Variants in ICAM4 observed in about 807,000 individuals in gnomAD.
The protein encoded by ICAM4 is intercellular adhesion molecule 4.
ICAM4 carries 16 observed loss-of-function variants against 18.8 expected under a neutral mutation model. The ratio of observed to expected loss-of-function variants is 0.85; its 90% CI spans 0.58 to 1.29. ICAM4 has a LOEUF of 1.29. ICAM4 is among the 50% of genes most tolerant of loss of function. The pLI is 0.00. For missense variants in ICAM4, 338 were observed against 364.3 expected, an observed-to-expected ratio of 0.93 and a Z score of 0.59; for synonymous variants, 163 against 163.2, an observed-to-expected ratio of 1.00 and a Z score of 0.01.
At position 10,287,465 on chromosome 19, in the gene ICAM4, G is replaced by T. The variant is rs2040125332; in HGVS notation, c.394+59G>T. The T allele has an allele frequency of 1.9e-6, 3 of 1,589,468 alleles. No homozygotes were observed. In the African/African-American group the frequency reaches 4.0e-5, roughly 21 times the overall value. On this transcript the variant is annotated intron_variant, in intron 1 of 2. Transcript: ENST00000380770. The surrounding 1 kb of genome is among the most constrained non-coding windows in gnomAD (Gnocchi z 8.7). ...AGGGGAGGGGGCTGGAAGAGGTGGG[G>T]GAAGGGTAGTTGACAGTCGCTCTAT...
rs370615268 is a variant in ICAM4 at position 10,288,065 on chromosome 19, G to C, written c.777G>C (p.Ala259=). Residue 259 remains alanine (A), a synonymous_variant, in exon 3 of 3, where the codon GCG becomes GCC. Coordinates refer to ENST00000380770, the MANE Select transcript of ICAM4 (RefSeq NM_001544.5). ...LVGILLTVGA[A]YLCKCLAMKS... ...GGATCCTCCTCACTGTGGGCGCTGC[G>C]TACCTATGCAAGTGCCTAGCTATGA... is the stretch of plus-strand genomic sequence containing the variant. 4 of 1,614,166 alleles carry C rather than the reference G, an allele frequency of 2.5e-6. No homozygotes were observed. The Admixed American group carries it at 6.7e-5, about 27-fold the overall frequency.
chr19:10,287,609 G>T lies in ICAM4; in HGVS notation c.468G>T (p.Thr156=). The T allele has an allele frequency of 1.2e-6, 2 of 1,614,146 alleles. No individual in the cohort carries two copies. The highest frequency in any genetic ancestry group is 1.7e-6 in the Non-Finnish European group (2 of 1,180,028). The change falls in exon 2 of 3, where the codon ACG becomes ACT. Residue 156 remains threonine (T), a synonymous_variant. Transcript: ENST00000380770. This position sits in a 1 kb window ranked among gnomAD's most constrained non-coding sequence, Gnocchi z 8.7. ...GRKYTLRCHV[T]QVFPVGYLVV... is the part of the protein sequence containing the mutation. ...AATACACTTTGCGCTGCCACGTGACGCAGGTGTTCCCGGTGGGCTACTTGG... is the reference window on the plus strand; with the variant it reads ...AATACACTTTGCGCTGCCACGTGACTCAGGTGTTCCCGGTGGGCTACTTGG...
At position 10,287,059 on chromosome 19, in the gene ICAM4, C is replaced by CAGTGCCCATTATGACTGCGGCTG; in HGVS notation, c.47_48insAGTGCCCATTATGACTGCGGCTG (p.Tyr17ValfsTer44). On this transcript the variant is annotated frameshift_variant, in exon 1 of 3. Coordinates refer to ENST00000380770, the MANE Select transcript of ICAM4 (RefSeq NM_001544.5). LOFTEE classifies it high-confidence loss of function. The surrounding 1 kb of genome is among the most constrained non-coding windows in gnomAD (Gnocchi z 8.7). Reference sequence around the variant, plus strand: ...TCGCTGCTGTTTTTTTTGGCGGCCGCCTACCCGGGAGTTGGGAGCGCGCTG... The same window carrying CAGTGCCCATTATGACTGCGGCTG: ...TCGCTGCTGTTTTTTTTGGCGGCCGCAGTGCCCATTATGACTGCGGCTGCTACCCGGGAGTTGGGAGCGCGCTG... The CAGTGCCCATTATGACTGCGGCTG allele has an allele frequency of 6.4e-7, 1 of 1,573,856 alleles. No individual in the cohort carries two copies. The highest frequency in any genetic ancestry group is 8.6e-7 in the Non-Finnish European group (1 of 1,158,478).
At position 10,287,219 on chromosome 19, in the gene ICAM4, C is replaced by T; in HGVS notation, c.207C>T (p.Cys69=). 1.2e-6 allele frequency: 2 copies of T among 1,613,084 alleles called. No individual in the cohort carries two copies. The highest frequency in any genetic ancestry group is 1.7e-6 in the Non-Finnish European group (2 of 1,179,842). Residue 69 remains cysteine (C), a synonymous_variant, in exon 1 of 3, where the codon TGC becomes TGT. Coordinates refer to ENST00000380770, the MANE Select transcript of ICAM4 (RefSeq NM_001544.5). The surrounding 1 kb of genome is among the most constrained non-coding windows in gnomAD (Gnocchi z 8.7). ...CGGGGAAGTCAGTGCAGCTCAATTG[C>T]AGCAACAGCTGTCCCCAGCCGCAGA... ...VQPGKSVQLN[C]SNSCPQPQNS...
Position 10,287,346 on chromosome 19 carries a change from C to T in ICAM4, c.334C>T (p.His112Tyr). Residue 112 changes from histidine to tyrosine, a missense_variant, in exon 1 of 3, where the codon CAC becomes TAC. Physicochemically the swap from His to Tyr is moderately conservative, Grantham distance 83. Transcript: ENST00000380770. This position sits in a 1 kb window ranked among gnomAD's most constrained non-coding sequence, Gnocchi z 8.7. Reference sequence around the variant, plus strand: ...CGTGAGGGCCTGGAGCTCCCTCGCGCACTGCCTCGTGACCTGCGCAGGAAA... The same window carrying T: ...CGTGAGGGCCTGGAGCTCCCTCGCGTACTGCCTCGTGACCTGCGCAGGAAA... ...LDVRAWSSLA[H>Y]CLVTCAGKTR... 1.9e-6 allele frequency: 3 copies of T among 1,612,308 alleles called. No individual in the cohort carries two copies. Among genetic ancestry groups the T allele is most frequent in the Non-Finnish European group, 2.5e-6 (3 of 1,179,434 alleles).
At position 10,287,694 on chromosome 19, in the gene ICAM4, G is replaced by A. The variant is rs780622559; in HGVS notation, c.553G>A (p.Gly185Ser). Reference sequence around the variant, plus strand: ...TTCCGAAAGCCTGGAGCGCTTCACCGGCCTGGATCTGGCCAACGTGACCTT... The same window carrying A: ...TTCCGAAAGCCTGGAGCGCTTCACCAGCCTGGATCTGGCCAACGTGACCTT... ...IYSESLERFT[G>S]LDLANVTLTY... The change falls in exon 2 of 3, where the codon GGC (glycine) becomes AGC (serine). Residue 185 changes from glycine to serine, a missense_variant. By Grantham distance (56) the Gly-to-Ser change is moderately conservative. Coordinates refer to ENST00000380770, the MANE Select transcript of ICAM4 (RefSeq NM_001544.5). This position sits in a 1 kb window ranked among gnomAD's most constrained non-coding sequence, Gnocchi z 8.7. 9 of 1,613,926 alleles carry A rather than the reference G, an allele frequency of 5.6e-6. No homozygotes were observed. In the Admixed American group the frequency reaches 8.3e-5, roughly 15 times the overall value.
Position 10,288,155 on chromosome 19 carries a change from T to C in ICAM4, c.*51T>C, listed in dbSNP as rs1209462784. ...CGAGAAAAAGAGGAATATGAAACAA[T>C]CTGGGGAAATGGCCATACATGGTGG... On this transcript the variant is annotated 3_prime_UTR_variant, in exon 3 of 3. Coordinates refer to ENST00000380770, the MANE Select transcript of ICAM4 (RefSeq NM_001544.5). 3 of 1,613,890 alleles carry C rather than the reference T, an allele frequency of 1.9e-6. No homozygotes were observed. Among genetic ancestry groups the C allele is most frequent in the Non-Finnish European group, 2.5e-6 (3 of 1,179,976 alleles).
chr19:10,287,166 A>C lies in ICAM4; in HGVS notation c.154A>C (p.Met52Leu), dbSNP rs776810497. ...GACCTCAGTGCCCTTCTGGGTGCGC[A>C]TGAGCCCGGAGTTCGTGGCTGTGCA... ...SGTSVPFWVR[M>L]SPEFVAVQPG... is the part of the protein sequence containing the mutation. The change falls in exon 1 of 3, where the codon ATG becomes CTG. Residue 52 changes from methionine (M) to leucine (L), a missense_variant. By Grantham distance (15) the Met-to-Leu change is conservative. Coordinates refer to ENST00000380770, the MANE Select transcript of ICAM4 (RefSeq NM_001544.5). This position sits in a 1 kb window ranked among gnomAD's most constrained non-coding sequence, Gnocchi z 8.7. 2.5e-6 allele frequency: 4 copies of C among 1,611,480 alleles called. No homozygotes were observed. The highest frequency in any genetic ancestry group is 3.4e-6 in the Non-Finnish European group (4 of 1,178,644).
At position 10,287,826 on chromosome 19, in the gene ICAM4, A is replaced by C; in HGVS notation, c.685A>C (p.Thr229Pro). The change falls in exon 2 of 3, where the codon ACA becomes CCA. Residue 229 changes from threonine (T) to proline (P), a missense_variant. Physicochemically the swap from Thr to Pro is conservative, Grantham distance 38 (BLOSUM62 -1). Coordinates refer to ENST00000380770, the MANE Select transcript of ICAM4 (RefSeq NM_001544.5). The surrounding 1 kb of genome is among the most constrained non-coding windows in gnomAD (Gnocchi z 8.7). The part of the protein sequence containing the change: ...LVVRNSSAPI[T>P]LMLAWSPAPT... ...GGTCCGCAACAGCTCGGCACCCATT[A>C]CACTGATGCTCGGTGAGGCACCCCT... The C allele has an allele frequency of 6.2e-7, 1 of 1,611,500 alleles. No homozygotes were observed. The highest frequency in any genetic ancestry group is 1.1e-5 in the South Asian group (1 of 91,052).
chr19:10,288,088 T>C lies in ICAM4; in HGVS notation c.800T>C (p.Met267Thr). ...GAAYLCKCLA[M>T]KSQA ...GCGTACCTATGCAAGTGCCTAGCTA[T>C]GAAGTCCCAGGCGTAAAGGGGGATG... Residue 267 changes from methionine to threonine, a missense_variant, in exon 3 of 3, where the codon ATG becomes ACG. By Grantham distance (81) the Met-to-Thr change is moderately conservative (BLOSUM62 -1). Transcript: ENST00000380770. 6.2e-7 allele frequency: 1 copy of C among 1,614,142 alleles called. No homozygotes were observed. The highest frequency in any genetic ancestry group is 1.1e-5 in the South Asian group (1 of 91,088).
Position 10,287,762 on chromosome 19 carries a change from C to T in ICAM4, c.621C>T (p.Pro207=), listed in dbSNP as rs749028766. Residue 207 remains proline (P), a synonymous_variant, in exon 2 of 3, where the codon CCC becomes CCT. Transcript: ENST00000380770. The surrounding 1 kb of genome is among the most constrained non-coding windows in gnomAD (Gnocchi z 8.7). ...CTGGACCCCGCGACTTCTGGCAGCC[C>T]GTGATCTGCCACGCGCGCCTCAATC... ...FAAGPRDFWQ[P]VICHARLNLD... The T allele has an allele frequency of 2.5e-6, 4 of 1,613,802 alleles. No individual in the cohort carries two copies. The highest frequency in any genetic ancestry group is 1.3e-5 in the African/African-American group (1 of 75,026).
rs1438859494 is a variant in ICAM4, at chr19:10,287,998, C to T, written c.710C>T (p.Ala237Val). 3.1e-6 allele frequency: 5 copies of T among 1,614,076 alleles called. No individual in the cohort carries two copies. The highest frequency in any genetic ancestry group is 2.2e-5 in the East Asian group (1 of 44,876). The change falls in exon 3 of 3, where the codon GCG becomes GTG. Residue 237 changes from alanine to valine, a missense_variant. Coordinates refer to ENST00000380770, the MANE Select transcript of ICAM4 (RefSeq NM_001544.5). This position sits in a 1 kb window ranked among gnomAD's most constrained non-coding sequence, Gnocchi z 8.7. ...PITLMLAWSPAPTALASGSIA... is the reference protein window; with the variant it reads ...PITLMLAWSPVPTALASGSIA... ...CTTCTGCTCCCAGCTTGGAGCCCCGCGCCCACAGCTTTGGCCTCCGGTTCC... is the reference window on the plus strand; with the variant it reads ...CTTCTGCTCCCAGCTTGGAGCCCCGTGCCCACAGCTTTGGCCTCCGGTTCC...
rs2040124866 is a variant in ICAM4 at position 10,287,449 on chromosome 19, G to A, written c.394+43G>A. On this transcript the variant is annotated intron_variant, in intron 1 of 2. Transcript: ENST00000380770. This position sits in a 1 kb window ranked among gnomAD's most constrained non-coding sequence, Gnocchi z 8.7. ...GGTCCCGGCTGGGGTGAGGGGAGGG[G>A]GCTGGAAGAGGTGGGGGAAGGGTAG... 1.3e-6 allele frequency: 2 copies of A among 1,587,706 alleles called. No individual in the cohort carries two copies. Among genetic ancestry groups the A allele is most frequent in the Admixed American group, 1.7e-5 (1 of 58,068 alleles).
At position 10,287,729 on chromosome 19, in the gene ICAM4, G is replaced by GT; in HGVS notation, c.591dup (p.Ala198CysfsTer102). On this transcript the variant is annotated frameshift_variant, in exon 2 of 3. Transcript: ENST00000380770. LOFTEE classifies it high-confidence loss of function. The surrounding 1 kb of genome is among the most constrained non-coding windows in gnomAD (Gnocchi z 8.7). ...TGGCCAACGTGACCTTGACCTACGA[G>GT]TTTGCTGCTGGACCCCGCGACTTCT... 3 of 1,613,958 alleles carry GT rather than the reference G, an allele frequency of 1.9e-6. No homozygotes were observed. In the Middle Eastern group the frequency reaches 4.9e-4, roughly 266 times the overall value.
rs150654072 is a variant in ICAM4, at chr19:10,287,200, A to G, written c.188A>G (p.Lys63Arg). 432 of 1,612,808 alleles carry G rather than the reference A, an allele frequency of 2.7e-4. 1 individual carries two copies. In the African/African-American group the frequency reaches 4.0e-3, roughly 15 times the overall value. Residue 63 changes from lysine to arginine, a missense_variant, in exon 1 of 3, where the codon AAG (lysine) becomes AGG (arginine). Coordinates refer to ENST00000380770, the MANE Select transcript of ICAM4 (RefSeq NM_001544.5). The surrounding 1 kb of genome is among the most constrained non-coding windows in gnomAD (Gnocchi z 8.7). ...SPEFVAVQPG[K>R]SVQLNCSNSC... ...GAGTTCGTGGCTGTGCAGCCGGGGA[A>G]GTCAGTGCAGCTCAATTGCAGCAAC...
At position 10,287,696 on chromosome 19, in the gene ICAM4, C is replaced by T; in HGVS notation, c.555C>T (p.Gly185=). 2 of 1,614,108 alleles carry T rather than the reference C, an allele frequency of 1.2e-6. No homozygotes were observed. The highest frequency in any genetic ancestry group is 8.5e-7 in the Non-Finnish European group (1 of 1,180,024). The change falls in exon 2 of 3, where the codon GGC becomes GGT. Residue 185 remains glycine, a synonymous_variant. Coordinates refer to ENST00000380770, the MANE Select transcript of ICAM4 (RefSeq NM_001544.5). This position sits in a 1 kb window ranked among gnomAD's most constrained non-coding sequence, Gnocchi z 8.7. ...IYSESLERFT[G]LDLANVTLTY... ...CCGAAAGCCTGGAGCGCTTCACCGG[C>T]CTGGATCTGGCCAACGTGACCTTGA...
Position 10,288,457 on chromosome 19 carries a change from A to G in ICAM4, c.*353A>G. 1 of 387,216 alleles carries G rather than the reference A, an allele frequency of 2.6e-6. No individual in the cohort carries two copies. Among genetic ancestry groups the G allele is most frequent in the Non-Finnish European group, 4.8e-6 (1 of 210,434 alleles). 24.0% of individuals were successfully genotyped at this position (387,216 alleles called of 1,614,324 possible). On this transcript the variant is annotated 3_prime_UTR_variant, in exon 3 of 3. Coordinates refer to ENST00000380770, the MANE Select transcript of ICAM4 (RefSeq NM_001544.5). ...AGCACGACCCTGTCTCCAAAAATAA[A>G]ATAAAAATAAAAATAAATATTGGCG...
In ICAM4 at chr19:10,287,012, C is replaced by T; in HGVS notation, c.-1C>T. 1 of 1,514,096 alleles carries T rather than the reference C, an allele frequency of 6.6e-7. No homozygotes were observed. The highest frequency in any genetic ancestry group is 8.8e-7 in the Non-Finnish European group (1 of 1,134,142). The allele number at this position is 1,514,096 out of a possible 1,614,324, so 93.8% of individuals were successfully genotyped here. A position where few individuals can be genotyped will look rare whatever the true frequency, so the allele number is the denominator to read the frequency against. On this transcript the variant is annotated 5_prime_UTR_variant, in exon 1 of 3. Coordinates refer to ENST00000380770, the MANE Select transcript of ICAM4 (RefSeq NM_001544.5). This position sits in a 1 kb window ranked among gnomAD's most constrained non-coding sequence, Gnocchi z 8.7. ...GGGCCCCTTAGTCCGGGCTTTTTGC[C>T]ATGGGGTCTCTGTTCCCTCTGTCGC...
chr19:10,288,002 C>T lies in ICAM4; in HGVS notation c.714C>T (p.Pro238=), dbSNP rs373582901. 1.9e-6 allele frequency: 3 copies of T among 1,614,144 alleles called. No homozygotes were observed. Among genetic ancestry groups the T allele is most frequent in the Non-Finnish European group, 2.5e-6 (3 of 1,180,040 alleles). ...ITLMLAWSPA[P]TALASGSIAA... ...TGCTCCCAGCTTGGAGCCCCGCGCC[C>T]ACAGCTTTGGCCTCCGGTTCCATCG... The change falls in exon 3 of 3, where the codon CCC becomes CCT. Residue 238 remains proline, a synonymous_variant. Coordinates refer to ENST00000380770, the MANE Select transcript of ICAM4 (RefSeq NM_001544.5).
Sources: allele counts gnomAD v4.1 joint callset, GRCh38; gene constraint gnomAD v4.1.1; non-coding constraint Gnocchi (gnomAD v3.1); transcripts MANE v1.5; gene names NCBI Gene and HGNC (gene_info 2026-07-23, HGNC 2026-07-21).